Variants in CNTN4 observed in about 807,000 individuals in gnomAD.
The protein encoded by CNTN4 is contactin 4, also known as contactin-4.
CNTN4 carries 77 observed loss-of-function variants against 122.5 expected under a neutral mutation model. The ratio of observed to expected loss-of-function variants is 0.63; its 90% CI spans 0.52 to 0.76. CNTN4 has a LOEUF of 0.76. Ranked by LOEUF, CNTN4 falls within the 30% of genes least tolerant of loss-of-function variation. CNTN4 has a pLI of 0.00. For missense variants in CNTN4, 1,256 were observed against 1,259.1 expected (o/e 1.00, Z 0.04); for synonymous variants, 512 against 447.0 (o/e 1.15, Z -1.83).
intron 5 of CNTN4, among the ~76,000 whole-genome samples, chr3:2,744,040 C>T (rs1206010287): frequency 1.3e-5 from 2 of 152,160 alleles, no homozygotes; most frequent in Non-Finnish European, 2.9e-5. Context: ...TTCTCAAATT[C>T]CTGGGCTCAA....
chr3:2,855,104 A>G (rs1427066472), intron 7 of CNTN4, among the ~76,000 whole-genome samples: 1 of 152,190 alleles, frequency 6.6e-6, no homozygotes, highest in Non-Finnish European at 1.5e-5. Context: ...GTACTCCTGA[A>G]TGTTGCTATG....
intron 14 of CNTN4, chr3:2,988,793 A>T: frequency 3.2e-6 from 1 of 315,956 alleles, no homozygotes; most frequent in South Asian, 3.4e-5. Context: ...TTTGAAATTC[A>T]TGTCTAGGAA....
At chr3:2,303,949 C>T (rs983658387) in intron 2 of CNTN4, among the ~76,000 whole-genome samples, 2 of 152,058 alleles carry the variant, frequency 1.3e-5, no homozygotes, top group African/African-American at 4.8e-5. Context: ...AATAGATTAT[C>T]ACCTTTGGAT....
intron 4 of CNTN4, among the ~76,000 whole-genome samples, chr3:2,579,513 C>T (rs935685458): frequency 6.8e-6 from 1 of 146,436 alleles, no homozygotes; most frequent in Non-Finnish European, 1.5e-5. Context: ...AAAGGTACAT[C>T]ATCTCCCTAG....
chr3:2,191,189 C>T (rs1359893335), intron 2 of CNTN4, among the ~76,000 whole-genome samples: 2 of 151,972 alleles, frequency 1.3e-5, no homozygotes, highest in Admixed American at 6.6e-5. Context: ...CTGCCTCAGC[C>T]TTCCTAGTAG....
chr3:2,782,465 CTGTGTGTGTGTGTGTG>C (rs137927481), intron 6 of CNTN4, among the ~76,000 whole-genome samples: 75 of 133,294 alleles, frequency 5.6e-4, no homozygotes, highest in African/African-American at 1.5e-3. Context: ...CCTTCTTATT[CTGTGTGTGTGTGTGTG>C]TGTGTGTGTG....
At chr3:2,983,150 C>G (rs1694199553) in intron 13 of CNTN4, among the ~76,000 whole-genome samples, 1 of 129,904 alleles carries the variant, frequency 7.7e-6, no homozygotes, top group Non-Finnish European at 1.6e-5. Context: ...GGAGGTGGAG[C>G]TTGCAGTGAG....
chr3:2,315,978 T>C (rs2150172925), intron 2 of CNTN4, among the ~76,000 whole-genome samples: 1 of 152,192 alleles, frequency 6.6e-6, no homozygotes, highest in East Asian at 1.9e-4. Context: ...CAAAAACTTA[T>C]TTATCTTGAG....
chr3:2,740,359 C>CTAAA (rs1036481101), intron 5 of CNTN4, among the ~76,000 whole-genome samples: 6 of 152,032 alleles, frequency 3.9e-5, no homozygotes, highest in East Asian at 1.9e-4. Context: ...GAACCGGTCT[C>CTAAA]TAAATAAATA....
At position 3,043,691 on chromosome 3, in the gene CNTN4, T is replaced by C. The variant is rs1045756339; in HGVS notation, c.2798T>C (p.Val933Ala). 1 of 1,611,448 alleles carries C rather than the reference T, an allele frequency of 6.2e-7. No individual in the cohort carries two copies. The change falls in exon 23 of 25, where the codon GTA becomes GCA. Residue 933 changes from valine to alanine, a missense_variant. Val to Ala is a moderately conservative substitution (Grantham distance 64). Transcript: ENST00000418658. Reference sequence around the variant, plus strand: ...AAGGCCCTGGATAATGAGTCGGAAGTAAAAGGATACAAAGTAGGTAATTTC... The same window carrying C: ...AAGGCCCTGGATAATGAGTCGGAAGCAAAAGGATACAAAGTAGGTAATTTC... ...QVKALDNESE[V>A]KGYKVLYRWN...
chr3:2,365,670 C>G lies in CNTN4; in HGVS notation c.-89+26437C>G, dbSNP rs368186133. 1.5e-4 allele frequency among the ~76,000 whole-genome samples: 23 copies of G among 152,286 alleles called. No homozygotes were observed. In the South Asian group the frequency reaches 4.1e-3, roughly 27 times the overall value. The stretch of plus-strand genomic sequence containing the variant: ...GAGATTCCCTTCTCCAAGTTGCCAT[C>G]TGCCTCTTTTGTGTGAATATCTTGC... On this transcript the variant is annotated intron_variant, in intron 3 of 24. Transcript: ENST00000418658.
intron 13 of CNTN4, among the ~76,000 whole-genome samples, chr3:2,951,523 G>T (rs1439600254): frequency 6.6e-6 from 1 of 152,168 alleles, no homozygotes; most frequent in Non-Finnish European, 1.5e-5. Context: ...CTGCAGCCTG[G>T]GGGTTGGGGA....
chr3:2,755,433 A>G (rs899519393), intron 6 of CNTN4, among the ~76,000 whole-genome samples: 1 of 152,216 alleles, frequency 6.6e-6, no homozygotes, highest in Non-Finnish European at 1.5e-5. Flanking sequence ...GATCTTCAAT[A>G]AAAGGGTAAA....
At chr3:2,504,134 C>T (rs2076671807) in intron 3 of CNTN4, among the ~76,000 whole-genome samples, 1 of 152,024 alleles carries the variant, frequency 6.6e-6, no homozygotes, top group Non-Finnish European at 1.5e-5. Flanking sequence ...ATAGAGAGTG[C>T]ATTCTGCAGA....
At chr3:3,032,323 A>G (rs1699236494) in intron 16 of CNTN4, among the ~76,000 whole-genome samples, 1 of 152,256 alleles carries the variant, frequency 6.6e-6, no homozygotes, top group African/African-American at 2.4e-5. Context: ...AGCAGTTAAA[A>G]CACCAATAAA....
At chr3:2,520,429 C>A (rs1057360713) in intron 3 of CNTN4, among the ~76,000 whole-genome samples, 1 of 151,712 alleles carries the variant, frequency 6.6e-6, no homozygotes, top group African/African-American at 2.4e-5. Context: ...CCTGCTACCA[C>A]ACGCTGCTAA....
rs374787675 is a variant in CNTN4, at chr3:2,883,274, A to G, written c.755+27A>G. ...TAAGTTCTGGTTTGCGTTCCTTCTCATCCTCCCTTCAGCTTGAGCAGGTAT... is the reference window on the plus strand; with the variant it reads ...TAAGTTCTGGTTTGCGTTCCTTCTCGTCCTCCCTTCAGCTTGAGCAGGTAT... On this transcript the variant is annotated intron_variant, in intron 9 of 24. Coordinates refer to ENST00000418658, the MANE Select transcript of CNTN4 (RefSeq NM_175607.3). The G allele has an allele frequency of 7.2e-6, 11 of 1,530,908 alleles. No homozygotes were observed. The African/African-American group carries it at 1.1e-4, about 15-fold the overall frequency. The allele number at this position is 1,530,908 out of a possible 1,614,324, so 94.8% of individuals were successfully genotyped here. A position where few individuals can be genotyped will look rare whatever the true frequency, so the allele number is the denominator to read the frequency against.
At chr3:2,897,345 A>G (rs1487427803) in intron 10 of CNTN4, among the ~76,000 whole-genome samples, 1 of 152,158 alleles carries the variant, frequency 6.6e-6, no homozygotes, top group African/African-American at 2.4e-5. Context: ...TTTGTTTCAA[A>G]TCTTGAAAGA....
chr3:2,588,369 T>A (rs1389450704), intron 4 of CNTN4, among the ~76,000 whole-genome samples: 1 of 152,150 alleles, frequency 6.6e-6, no homozygotes, highest in African/African-American at 2.4e-5. Context: ...TTTGTTTGTT[T>A]GTTTGTTTGT....
Sources: gnomAD v4.1 joint callset for allele counts (sites outside exome capture counted in the v4.1 genomes callset) on GRCh38, gnomAD v4.1.1 for gene constraint, MANE v1.5 for transcripts, NCBI Gene and HGNC (gene_info 2026-07-23, HGNC 2026-07-21) for gene names.